MRPS28: variants seen among roughly 807,000 people sequenced by gnomAD.
MRPS28 encodes the protein mitochondrial ribosomal protein S28, also known as small ribosomal subunit protein bS1m.
MRPS28 carries 7 observed loss-of-function variants against 10.8 expected under a neutral mutation model. That is an observed-to-expected ratio of 0.65 (90% CI 0.37 to 1.22). The LOEUF is 1.22. Among genes scored for constraint, MRPS28 ranks in the 50% most tolerant of loss-of-function variants. The pLI, the probability that MRPS28 is intolerant of heterozygous loss-of-function variation, is 0.02. For missense variants in MRPS28, 265 were observed against 232.9 expected (o/e 1.14, Z -0.90); for synonymous variants, 121 against 93.3 (o/e 1.30, Z -1.71).
At chr8:79,940,856 G>C (rs903291072) in intron 2 of MRPS28, among the ~76,000 whole-genome samples, 8 of 152,208 alleles carry the variant, frequency 5.3e-5, no homozygotes, top group Non-Finnish European at 8.8e-5. Context: ...AGAAAGCACT[G>C]TTAAAAGAGT....
intron 1 of MRPS28, among the ~76,000 whole-genome samples, chr8:80,008,128 A>T (rs557144622): frequency 6.6e-6 from 1 of 152,310 alleles, no homozygotes. Flanking sequence ...GTGTATCTAC[A>T]ACTATCTGAT....
At chr8:79,982,976 TGACGCCTGACCCCC>T (rs1173503196) in intron 2 of MRPS28, among the ~76,000 whole-genome samples, 21 of 14,516 alleles carry the variant, frequency 1.4e-3, no homozygotes, top group African/African-American at 0.013. Flanking sequence ...AGTGGGTCCC[TGACGCCTGACCCCC>T]GACCCCCGAG....
chr8:79,920,162 T>C (rs1810047933), intron 2 of MRPS28, among the ~76,000 whole-genome samples: 1 of 152,194 alleles, frequency 6.6e-6, no homozygotes, highest in Non-Finnish European at 1.5e-5. Flanking sequence ...GGTGTATATG[T>C]GCCACATTTT....
chr8:79,936,364 T>C (rs891396359), intron 2 of MRPS28, among the ~76,000 whole-genome samples: 2 of 150,466 alleles, frequency 1.3e-5, no homozygotes, highest in South Asian at 2.1e-4. Context: ...TAAAAATTAA[T>C]AAACTAAAAA....
rs540513381 is a variant in MRPS28 at position 79,939,560 on chromosome 8, T to C, written c.396-20412A>G. Among the ~76,000 whole-genome samples the C allele has an allele frequency of 1.7e-4, 26 of 152,330 alleles. No individual in the cohort carries two copies. The South Asian group carries it at 5.2e-3, about 30-fold the overall frequency. On this transcript the variant is annotated intron_variant, in intron 2 of 2. Coordinates refer to ENST00000276585, the MANE Select transcript of MRPS28 (RefSeq NM_014018.3). Reference sequence around the variant, plus strand: ...TTAAAGAGCGTAATTTTTAGTTTTCTGGTCTCTTTCTACAATGTACTTGCC... The same window carrying C: ...TTAAAGAGCGTAATTTTTAGTTTTCCGGTCTCTTTCTACAATGTACTTGCC...
chr8:79,934,131 TA>T (rs1226058941), intron 2 of MRPS28, among the ~76,000 whole-genome samples: 1 of 152,142 alleles, frequency 6.6e-6, no homozygotes. Flanking sequence ...TTGAAGGAAA[TA>T]AAAGAGAATG....
chr8:79,944,233 T>C (rs1563522446), intron 2 of MRPS28, among the ~76,000 whole-genome samples: 1 of 152,232 alleles, frequency 6.6e-6, no homozygotes, highest in Admixed American at 6.5e-5. Context: ...TCCTTATGGA[T>C]GATGCCTTCC....
At chr8:79,969,022 T>G (rs1045645113) in intron 2 of MRPS28, among the ~76,000 whole-genome samples, 8 of 152,190 alleles carry the variant, frequency 5.3e-5, no homozygotes, top group African/African-American at 1.7e-4. Flanking sequence ...GTTAATGAGT[T>G]AATGTACAAA....
At chr8:80,026,944 G>A (rs909107495) in intron 1 of MRPS28, among the ~76,000 whole-genome samples, 2 of 151,824 alleles carry the variant, frequency 1.3e-5, no homozygotes, top group Non-Finnish European at 2.9e-5. Context: ...AGTACTTTTA[G>A]GTTTACAGCA....
At chr8:80,003,749 G>C (rs1298924845) in intron 1 of MRPS28, among the ~76,000 whole-genome samples, 1 of 152,200 alleles carries the variant, frequency 6.6e-6, no homozygotes, top group Non-Finnish European at 1.5e-5. Context: ...AAGGGAAGCT[G>C]TGACAGACGG....
At chr8:80,011,268 T>C (rs1028572311) in intron 1 of MRPS28, among the ~76,000 whole-genome samples, 1 of 151,898 alleles carries the variant, frequency 6.6e-6, no homozygotes, top group Admixed American at 6.6e-5. Flanking sequence ...GAGCAAACAG[T>C]ATCAACTTGG....
intron 2 of MRPS28, 65 bp from the exon 3 acceptor site, chr8:79,919,213 TAAC>T: frequency 1.6e-6 from 2 of 1,253,958 alleles, no homozygotes; most frequent in East Asian, 2.7e-5. Context: ...ACTAGTTTAA[TAAC>T]AACAACCAAA....
intron 2 of MRPS28, among the ~76,000 whole-genome samples, chr8:79,990,864 G>C (rs531744308): frequency 1.3e-5 from 2 of 151,780 alleles, no homozygotes; most frequent in African/African-American, 4.8e-5. Context: ...CATGGCGCGC[G>C]CCTGTAGTCC....
intron 2 of MRPS28, among the ~76,000 whole-genome samples, chr8:79,995,690 A>G (rs1214715464): frequency 1.3e-5 from 2 of 152,246 alleles, no homozygotes; most frequent in African/African-American, 4.8e-5. Flanking sequence ...AAGTAGCTAC[A>G]CAGCCCAGTG....
At position 80,003,003 on chromosome 8, in the gene MRPS28, C is replaced by T. The variant is rs1481221889; in HGVS notation, c.391G>A (p.Gly131Arg). 1.7e-5 allele frequency: 26 copies of T among 1,573,494 alleles called. No homozygotes were observed. Among genetic ancestry groups the T allele is most frequent in the Non-Finnish European group, 2.0e-5 (23 of 1,164,106 alleles). ...CTTGGAAATGATTTTACTTACTCTCCATCCACTTCTGGTCTTCTACATACA... is the reference window on the plus strand; with the variant it reads ...CTTGGAAATGATTTTACTTACTCTCTATCCACTTCTGGTCTTCTACATACA... ...HCVCRRPEVDGEKYQKGTRVR... is the reference protein window; with the variant it reads ...HCVCRRPEVDREKYQKGTRVR... Residue 131 changes from glycine to arginine, a missense_variant, in exon 2 of 3, where the codon GGA becomes AGA. Transcript: ENST00000276585.
intron 1 of MRPS28, among the ~76,000 whole-genome samples, chr8:80,010,953 T>A (rs1318852495): frequency 2.0e-5 from 3 of 152,156 alleles, no homozygotes; most frequent in Non-Finnish European, 4.4e-5. Context: ...CATACTAGTT[T>A]TATAAATCCA....
At chr8:80,011,920 T>A (rs1296075026) in intron 1 of MRPS28, among the ~76,000 whole-genome samples, 1 of 152,180 alleles carries the variant, frequency 6.6e-6, no homozygotes, top group Non-Finnish European at 1.5e-5. Flanking sequence ...TGTGAAGAGA[T>A]GTTTGAGCTA....
chr8:80,028,662 G>GGGGGGGGGGGGGGGC (rs1809558299), intron 1 of MRPS28: 43 of 47,970 alleles, frequency 9.0e-4, no homozygotes, highest in Non-Finnish European at 1.3e-3. Flanking sequence ...GGGGGGCGGG[G>GGGGGGGGGGGGGGGC]CCGGGCGGGG....
At chr8:79,925,026 T>A (rs1188354821) in intron 2 of MRPS28, among the ~76,000 whole-genome samples, 2 of 152,142 alleles carry the variant, frequency 1.3e-5, no homozygotes, top group Non-Finnish European at 2.9e-5. Context: ...CTGTACACCA[T>A]CAAGCACAGA....
Sources: allele counts gnomAD v4.1 joint callset (sites outside exome capture counted in the v4.1 genomes callset), GRCh38; gene constraint gnomAD v4.1.1; transcripts MANE v1.5; gene names NCBI Gene and HGNC (gene_info 2026-07-23, HGNC 2026-07-21).